EML1: variants seen among roughly 807,000 people sequenced by gnomAD.
EML1 encodes the protein EMAP like 1, also known as echinoderm microtubule-associated protein-like 1.
EML1 carries 27 observed loss-of-function variants against 110.4 expected under a neutral mutation model. The ratio of observed to expected loss-of-function variants is 0.24; its 90% CI spans 0.18 to 0.34. The LOEUF (loss-of-function observed/expected upper bound fraction) is 0.34, where lower values mean the gene tolerates loss of function less well. EML1 is among the 10% of genes least tolerant of loss of function. The pLI is 1.00. For missense variants in EML1, 741 were observed against 1,030.9 expected, an observed-to-expected ratio of 0.72 and a Z score of 3.85; for synonymous variants, 344 against 385.8, an observed-to-expected ratio of 0.89 and a Z score of 1.27.
chr14:99,921,993 C>T (rs2060138917), intron 17 of EML1, among the ~76,000 whole-genome samples: 1 of 152,074 alleles, frequency 6.6e-6, no homozygotes. Flanking sequence ...AAATGGATTC[C>T]TACAATATGT....
At chr14:99,835,478 A>T (rs1434602273) in intron 1 of EML1, among the ~76,000 whole-genome samples, 1 of 151,420 alleles carries the variant, frequency 6.6e-6, no homozygotes, top group Non-Finnish European at 1.5e-5. Flanking sequence ...TCTAATGTAT[A>T]TTGCTTCGTT....
chr14:99,830,875 A>G (rs1475582435), intron 1 of EML1, among the ~76,000 whole-genome samples: 1 of 152,132 alleles, frequency 6.6e-6, no homozygotes, highest in Non-Finnish European at 1.5e-5. Context: ...AATAGTACTC[A>G]AAGAATCAGA....
At chr14:99,771,166 C>T (rs2057424498), upstream of EML1, among the ~76,000 whole-genome samples, 1 of 152,058 alleles carries the variant, frequency 6.6e-6, no homozygotes, top group South Asian at 2.1e-4. Context: ...GATGTCTTAC[C>T]TTTTTATTTA....
chr14:99,908,784 G>C (rs1244229293), intron 10 of EML1, among the ~76,000 whole-genome samples: 2 of 152,198 alleles, frequency 1.3e-5, no homozygotes, highest in Non-Finnish European at 2.9e-5. Flanking sequence ...AGTCCCAGGA[G>C]TCAATCGCAG....
At chr14:99,763,576 C>T (rs1566854286) in intron 1 of EML1, among the ~76,000 whole-genome samples, 1 of 152,080 alleles carries the variant, frequency 6.6e-6, no homozygotes, top group Non-Finnish European at 1.5e-5. Context: ...CAGAGAGGCT[C>T]CCTGAAATTA....
At chr14:99,856,185 G>A (rs2058899204) in intron 2 of EML1, among the ~76,000 whole-genome samples, 1 of 152,202 alleles carries the variant, frequency 6.6e-6, no homozygotes, top group African/African-American at 2.4e-5. Flanking sequence ...ATCTGGGACT[G>A]GACCCCAGGG....
intron 1 of EML1, among the ~76,000 whole-genome samples, chr14:99,753,070 A>C (rs1306662534): frequency 6.6e-6 from 1 of 151,864 alleles, no homozygotes; most frequent in Non-Finnish European, 1.5e-5. Context: ...TAGCCATAAG[A>C]GGGAAGCAGC....
intron 12 of EML1, among the ~76,000 whole-genome samples, chr14:99,910,952 G>A (rs545039292): frequency 1.3e-5 from 2 of 152,256 alleles, no homozygotes; most frequent in East Asian, 1.9e-4. Flanking sequence ...AGGTGGAGAC[G>A]GACTTGTAAA....
chr14:99,892,826 A>G (rs1384109570), intron 5 of EML1, among the ~76,000 whole-genome samples: 1 of 152,194 alleles, frequency 6.6e-6, no homozygotes, highest in Non-Finnish European at 1.5e-5. Context: ...TGGAAATAGC[A>G]TTATATTGTC....
intron 1 of EML1, among the ~76,000 whole-genome samples, chr14:99,849,003 TAAAAGGA>T: frequency 6.6e-6 from 1 of 151,838 alleles, no homozygotes; most frequent in South Asian, 2.1e-4. Context: ...CATAATAACA[TAAAAGGA>T]AAAAGGAAAA....
At chr14:99,872,920 T>C (rs144590928) in intron 3 of EML1, among the ~76,000 whole-genome samples, 73 of 152,340 alleles carry the variant, frequency 4.8e-4, no homozygotes, top group African/African-American at 1.6e-3. Context: ...TTTTTCAGCC[T>C]GGTGCTTAAG....
chr14:99,940,890 T>C lies in EML1; in HGVS notation c.*778T>C, dbSNP rs1441514875. 1.3e-5 allele frequency: 2 copies of C among 152,252 alleles called. No individual in the cohort carries two copies. The highest frequency in any genetic ancestry group is 4.8e-5 in the African/African-American group (2 of 41,462). 9.4% of individuals were successfully genotyped at this position (152,252 alleles called of 1,614,324 possible). On this transcript the variant is annotated 3_prime_UTR_variant, in exon 22 of 22. Coordinates refer to ENST00000262233, the MANE Select transcript of EML1 (RefSeq NM_004434.3). ...AGACATTTTGCCACCTTCTTGTGTA[T>C]ATTACTTGGCATGAGATGATATTGT...
At position 99,939,557 on chromosome 14, in the gene EML1, C is replaced by T. The variant is rs1350035314; in HGVS notation, c.2322+230C>T. On this transcript the variant is annotated intron_variant, in intron 21 of 21. Transcript: ENST00000262233. The surrounding 1 kb of genome is among the most constrained non-coding windows in gnomAD (Gnocchi z 4.2). ...CTGCTCATCCACCTCTGCAGCCCCA[C>T]AGGCTCACGACCCCGCCCTCCCCCA... Among the ~76,000 whole-genome samples, 1 of 152,160 alleles carries T rather than the reference C, an allele frequency of 6.6e-6. No individual in the cohort carries two copies. Among genetic ancestry groups the T allele is most frequent in the African/African-American group, 2.4e-5 (1 of 41,438 alleles).
intron 4 of EML1, among the ~76,000 whole-genome samples, chr14:99,880,931 A>G (rs1261139044): frequency 1.3e-5 from 2 of 152,234 alleles, no homozygotes; most frequent in Non-Finnish European, 2.9e-5. Context: ...AGCAGAGGAA[A>G]GTAATCAGTG....
chr14:99,801,150 G>A (rs1306572394), intron 1 of EML1, among the ~76,000 whole-genome samples: 2 of 152,216 alleles, frequency 1.3e-5, no homozygotes, highest in Non-Finnish European at 2.9e-5. Context: ...ACCTTTGAAG[G>A]ACAATGGGCA....
At position 99,793,467 on chromosome 14, in the gene EML1, C is replaced by A; in HGVS notation, c.-10C>A. ...GGGCCGGGGAGCGGGCGCGGCCCGG[C>A]GGCCTCAGCATGGAGGACGGCTTCT... On this transcript the variant is annotated 5_prime_UTR_variant, in exon 1 of 22. Coordinates refer to ENST00000262233, the MANE Select transcript of EML1 (RefSeq NM_004434.3). The A allele has an allele frequency of 9.6e-7, 1 of 1,046,858 alleles. No individual in the cohort carries two copies. Among genetic ancestry groups the A allele is most frequent in the Non-Finnish European group, 1.2e-6 (1 of 868,112 alleles). The allele number at this position is 1,046,858 out of a possible 1,614,324, so 64.8% of individuals were successfully genotyped here.
At chr14:99,884,427 G>A (rs2059440224) in intron 4 of EML1, among the ~76,000 whole-genome samples, 1 of 152,206 alleles carries the variant, frequency 6.6e-6, no homozygotes, top group Non-Finnish European at 1.5e-5. Flanking sequence ...AGGCATGGCA[G>A]GGAGTGGGAA....
In EML1 at chr14:99,939,731, G is replaced by T. The variant is rs183668976; in HGVS notation, c.2323-256G>T. On this transcript the variant is annotated intron_variant, in intron 21 of 21. Transcript: ENST00000262233. This position sits in a 1 kb window ranked among gnomAD's most constrained non-coding sequence, Gnocchi z 4.2. ...CACCTTTGGGGCGACCTCATACCTG[G>T]CACCTCTGATACTGAGCATATCTCT... is the stretch of plus-strand genomic sequence containing the variant. 6.6e-6 allele frequency among the ~76,000 whole-genome samples: 1 copy of T among 152,198 alleles called. No individual in the cohort carries two copies. The highest frequency in any genetic ancestry group is 1.9e-4 in the East Asian group (1 of 5,158).
At chr14:99,875,493 A>G in intron 3 of EML1, among the ~76,000 whole-genome samples, 1 of 152,044 alleles carries the variant, frequency 6.6e-6, no homozygotes. Flanking sequence ...ATTATTAGAA[A>G]ATCAGTTAGT....
Sources: gnomAD v4.1 joint callset for allele counts (sites outside exome capture counted in the v4.1 genomes callset) on GRCh38, gnomAD v4.1.1 for gene constraint, Gnocchi (gnomAD v3.1) non-coding constraint, MANE v1.5 for transcripts, NCBI Gene and HGNC (gene_info 2026-07-23, HGNC 2026-07-21) for gene names.